TTLL5: variants seen among roughly 807,000 people sequenced by gnomAD.
TTLL5 encodes the protein tubulin polyglutamylase TTLL5.
TTLL5 carries 132 observed loss-of-function variants against 168.4 expected under a neutral mutation model. The observed-to-expected ratio is 0.78, with a 90% CI of 0.68 to 0.91. The LOEUF is 0.91. Ranked by LOEUF, TTLL5 falls within the 40% of genes least tolerant of loss-of-function variation. TTLL5 has a pLI of 0.00. For missense variants in TTLL5, 1,545 were observed against 1,581.5 expected, an observed-to-expected ratio of 0.98 and a Z score of 0.39; for synonymous variants, 546 against 558.6, an observed-to-expected ratio of 0.98 and a Z score of 0.32.
At chr14:75,707,751 A>T in intron 9 of TTLL5, 44 bp downstream of exon 9, 5 of 1,413,048 alleles carry the variant, frequency 3.5e-6, no homozygotes, top group Non-Finnish European at 5.0e-6. Context: ...GGGTATATTA[A>T]GGGTGGGTAT....
intron 7 of TTLL5, among the ~76,000 whole-genome samples, chr14:75,700,550 C>T (rs1886194926): frequency 6.6e-6 from 1 of 152,134 alleles, no homozygotes; most frequent in Admixed American, 6.5e-5. Context: ...ACAGCTTACC[C>T]CATGGAAAAA....
intron 21 of TTLL5, 128 bp from the exon 22 acceptor site, chr14:75,775,356 G>T: frequency 3.8e-6 from 4 of 1,065,278 alleles, no homozygotes; most frequent in South Asian, 2.0e-5. Flanking sequence ...TTTGTTCTGG[G>T]TCTTGTTTGT....
chr14:75,804,822 T>G (rs1314791107), intron 27 of TTLL5, among the ~76,000 whole-genome samples: 1 of 152,196 alleles, frequency 6.6e-6, no homozygotes. Flanking sequence ...ATTCTTCTCT[T>G]GGCTACTTGT....
intron 31 of TTLL5, among the ~76,000 whole-genome samples, chr14:75,909,424 C>A (rs2033278662): frequency 6.6e-6 from 1 of 151,494 alleles, no homozygotes; most frequent in African/African-American, 2.4e-5. Flanking sequence ...GAAGCCCCAG[C>A]AAAGGTTCTG....
chr14:75,693,124 AGAG>A (rs1885578768), intron 6 of TTLL5, among the ~76,000 whole-genome samples: 1 of 152,194 alleles, frequency 6.6e-6, no homozygotes, highest in African/African-American at 2.4e-5. Context: ...GTCTCCTGAA[AGAG>A]GAGAAGGAAG....
intron 30 of TTLL5, among the ~76,000 whole-genome samples, chr14:75,890,056 G>A (rs1327337908): frequency 6.6e-6 from 1 of 152,164 alleles, no homozygotes; most frequent in Non-Finnish European, 1.5e-5. Flanking sequence ...TGGTAAATTG[G>A]CTTCAATAGA....
At chr14:75,667,512 T>C (rs185900635) in intron 2 of TTLL5, among the ~76,000 whole-genome samples, 1 of 152,326 alleles carries the variant, frequency 6.6e-6, no homozygotes, top group African/African-American at 2.4e-5. Context: ...AAATCCTTCC[T>C]GCTAAAAAAG....
chr14:75,866,003 G>C (rs905708176), intron 29 of TTLL5, among the ~76,000 whole-genome samples: 1 of 152,122 alleles, frequency 6.6e-6, no homozygotes, highest in Non-Finnish European at 1.5e-5. Flanking sequence ...GCTGATTTAG[G>C]TAAAAATGAG....
Position 75,783,132 on chromosome 14 carries a change from T to C in TTLL5, c.2603-15T>C. 1.9e-6 allele frequency: 3 copies of C among 1,586,214 alleles called. No homozygotes were observed. Among genetic ancestry groups the C allele is most frequent in the Non-Finnish European group, 1.7e-6 (2 of 1,169,968 alleles). On this transcript the variant is annotated splice_polypyrimidine_tract_variant and intron_variant, in intron 25 of 31. Coordinates refer to ENST00000298832, the MANE Select transcript of TTLL5 (RefSeq NM_015072.5). ...TTTCCTATAATGATGTCTTGTTTTG[T>C]TTTGTTTTTAATAGGATTTACCACT...
chr14:75,764,306 A>G (rs1890832149), intron 18 of TTLL5, among the ~76,000 whole-genome samples: 1 of 152,244 alleles, frequency 6.6e-6, no homozygotes, highest in Non-Finnish European at 1.5e-5. Flanking sequence ...AAAGTATTTT[A>G]AGGTATAAGG....
At chr14:75,725,725 AATGATATC>A (rs1888151582) in intron 12 of TTLL5, among the ~76,000 whole-genome samples, 1 of 152,086 alleles carries the variant, frequency 6.6e-6, no homozygotes, top group Admixed American at 6.5e-5. Flanking sequence ...ACTCAGGAAA[AATGATATC>A]ATCCTTTCTA....
At chr14:75,924,075 T>A (rs1458306096) in intron 31 of TTLL5, among the ~76,000 whole-genome samples, 1 of 148,918 alleles carries the variant, frequency 6.7e-6, no homozygotes, top group African/African-American at 2.5e-5. Context: ...ATTTGCCTGG[T>A]AGATCTTCGT....
chr14:75,695,663 T>C (rs1769801777), intron 6 of TTLL5, among the ~76,000 whole-genome samples: 1 of 152,096 alleles, frequency 6.6e-6, no homozygotes, highest in South Asian at 2.1e-4. Flanking sequence ...CGGCCAACAC[T>C]TAGGGAAATA....
chr14:75,704,289 A>C (rs921628971), intron 7 of TTLL5, among the ~76,000 whole-genome samples: 3 of 152,246 alleles, frequency 2.0e-5, no homozygotes, highest in African/African-American at 7.2e-5. Flanking sequence ...CTGTAATCCC[A>C]GCACTTTGGG....
At chr14:75,902,387 A>G in intron 31 of TTLL5, 163 bp downstream of exon 31, 1 of 777,134 alleles carries the variant, frequency 1.3e-6, no homozygotes, top group Admixed American at 2.2e-5. Context: ...TTCTTCTTTA[A>G]AATAGTCTTG....
chr14:75,690,393 C>A, intron 6 of TTLL5, 71 bp downstream of exon 6: 1 of 1,518,634 alleles, frequency 6.6e-7, no homozygotes, highest in Non-Finnish European at 8.8e-7. Context: ...CAAAAGCCTC[C>A]TCAAGGTGTC....
intron 12 of TTLL5, among the ~76,000 whole-genome samples, chr14:75,722,713 C>G (rs1887921033): frequency 6.6e-6 from 1 of 151,862 alleles, no homozygotes; most frequent in Non-Finnish European, 1.5e-5. Flanking sequence ...ATGGCGCAAT[C>G]GTATTTAGCT....
chr14:75,874,129 T>C (rs2031269554), intron 29 of TTLL5, among the ~76,000 whole-genome samples: 2 of 151,970 alleles, frequency 1.3e-5, no homozygotes, highest in Admixed American at 1.3e-4. Flanking sequence ...TTTCACTCTA[T>C]TGCCCAGGCT....
intron 27 of TTLL5, among the ~76,000 whole-genome samples, chr14:75,797,379 A>G (rs1246764022): frequency 6.6e-6 from 1 of 152,000 alleles, no homozygotes; most frequent in Admixed American, 6.5e-5. Flanking sequence ...CAACAGTTTG[A>G]CTTCCTCTTT....
Sources: gnomAD v4.1 joint callset for allele counts (sites outside exome capture counted in the v4.1 genomes callset) on GRCh38, gnomAD v4.1.1 for gene constraint, MANE v1.5 for transcripts, NCBI Gene and HGNC (gene_info 2026-07-23, HGNC 2026-07-21) for gene names.